Variants in SERHL2 observed in about 807,000 individuals in gnomAD.
The protein encoded by SERHL2 is serine hydrolase-like protein 2.
Under a neutral mutation model 25.5 loss-of-function variants are expected in SERHL2, and 29 were observed. The observed-to-expected ratio is 1.14, with a 90% confidence interval of 0.85 to 1.55. The LOEUF is 1.55. Among genes scored for constraint, SERHL2 ranks in the 40% most tolerant of loss-of-function variants. The pLI, the probability that SERHL2 is intolerant of heterozygous loss-of-function variation, is 0.00. For missense variants in SERHL2, 240 were observed against 252.3 expected, an observed-to-expected ratio of 0.95 and a Z score of 0.33; for synonymous variants, 95 against 103.5, an observed-to-expected ratio of 0.92 and a Z score of 0.50.
intron 9 of SERHL2, among the ~76,000 whole-genome samples, chr22:42,568,480 C>G (rs765050753): frequency 6.6e-6 from 1 of 151,934 alleles, no homozygotes; most frequent in Non-Finnish European, 1.5e-5. Context: ...GAGATGCCCC[C>G]TTCCCTGTCC....
chr22:42,567,547 C>G (rs867751244), intron 9 of SERHL2, among the ~76,000 whole-genome samples: 1 of 151,242 alleles, frequency 6.6e-6, no homozygotes, highest in South Asian at 2.1e-4. Flanking sequence ...GCCTGTAGTC[C>G]CAGCTACTCG....
At chr22:42,573,275 G>T (rs1051147495) in intron 11 of SERHL2, 1 of 141,834 alleles carries the variant, frequency 7.1e-6, no homozygotes, top group Admixed American at 7.2e-5. Context: ...ATGGAGTGTC[G>T]CTCTGTTGCC....
intron 10 of SERHL2, chr22:42,571,520 G>C: frequency 3.7e-6 from 4 of 1,089,206 alleles, no homozygotes; most frequent in Non-Finnish European, 4.6e-6. Flanking sequence ...CTGTCTCCTG[G>C]ATTCAAACGA....
intron 6 of SERHL2, chr22:42,556,823 G>C (rs1180404899): frequency 1.0e-5 from 4 of 396,682 alleles, no homozygotes; most frequent in Non-Finnish European, 1.7e-5. Context: ...TGTGTGGCTC[G>C]GGATCTGCAG....
intron 9 of SERHL2, 71 bp downstream of exon 9, chr22:42,566,409 C>A: frequency 1.3e-6 from 2 of 1,511,596 alleles, no homozygotes; most frequent in Middle Eastern, 2.2e-4. Context: ...TTGAAAATTA[C>A]AGGCCAGGCG....
At chr22:42,566,453 G>A (rs1923400544) in intron 9 of SERHL2, 115 bp downstream of exon 9, 2 of 1,006,530 alleles carry the variant, frequency 2.0e-6, no homozygotes, top group Admixed American at 3.7e-5. Context: ...AGCTACTCAG[G>A]AGGCTGAGGC....
intron 9 of SERHL2, among the ~76,000 whole-genome samples, chr22:42,567,267 G>A (rs1923513993): frequency 6.6e-6 from 1 of 152,072 alleles, no homozygotes; most frequent in South Asian, 2.1e-4. Flanking sequence ...AATGGTCTGG[G>A]AATGTTAACG....
At chr22:42,571,315 C>A (rs199869373) in intron 10 of SERHL2, 112 bp downstream of exon 10, 2 of 1,541,328 alleles carry the variant, frequency 1.3e-6, no homozygotes, top group Non-Finnish European at 1.8e-6. Context: ...TCGACCACAT[C>A]GCTAAGGCTC....
At chr22:42,565,482 C>T (rs138231779) in intron 8 of SERHL2, among the ~76,000 whole-genome samples, 1,687 of 151,900 alleles carry the variant, frequency 0.011, 53 homozygotes, top group Middle Eastern at 0.014. Context: ...CCTGCCACTA[C>T]GCCCAGCTAA....
At chr22:42,573,283 G>A (rs1038528549) in intron 11 of SERHL2, 6 of 136,800 alleles carry the variant, frequency 4.4e-5, no homozygotes, top group East Asian at 2.1e-4. Context: ...TCGCTCTGTT[G>A]CCCAGGCTGG....
chr22:42,561,386 T>C (rs1405005138), intron 8 of SERHL2, among the ~76,000 whole-genome samples: 2 of 151,140 alleles, frequency 1.3e-5, no homozygotes, highest in Non-Finnish European at 2.9e-5. Flanking sequence ...AACAAGGTCT[T>C]GGGTTTTTTG....
At chr22:42,558,867 T>C (rs151133360) in intron 7 of SERHL2, among the ~76,000 whole-genome samples, 3 of 2,078 alleles carry the variant, frequency 1.4e-3, no homozygotes, top group African/African-American at 8.1e-3. Context: ...GTAACCACAC[T>C]GTCCAATAAG....
chr22:42,566,180 C>T lies in SERHL2; in HGVS notation c.614-124C>T, dbSNP rs749914514. ...GGGAGTCCTGGGCAGCTGAGGACGT[C>T]GGGGGCAGGTGGGAGAAATGGGCCC... On this transcript the variant is annotated intron_variant, in intron 8 of 11. Coordinates refer to ENST00000327678, the MANE Select transcript of SERHL2 (RefSeq NM_014509.5). 138 of 919,630 alleles carry T rather than the reference C, an allele frequency of 1.5e-4. 1 individual carries two copies. The highest frequency in any genetic ancestry group is 3.3e-4 in the Admixed American group (17 of 52,174). The allele number at this position is 919,630 out of a possible 1,614,324, so 57.0% of individuals were successfully genotyped here. A position where few individuals can be genotyped will look rare whatever the true frequency, so the allele number is the denominator to read the frequency against.
rs149265966 is a variant in SERHL2 at position 42,564,746 on chromosome 22, C to T, written c.614-1558C>T. Among the ~76,000 whole-genome samples the T allele has an allele frequency of 3.0e-3, 459 of 152,068 alleles. 5 individuals are homozygous for T. Among genetic ancestry groups the T allele is most frequent in the African/African-American group, 0.01 (422 of 41,548 alleles). On this transcript the variant is annotated intron_variant, in intron 8 of 11. Transcript: ENST00000327678. Reference sequence around the variant, plus strand: ...GCACCCGGCCTGAGGATTTTCGCATCTGACGGGACCGTCTCCCTTCATGGC... The same window carrying T: ...GCACCCGGCCTGAGGATTTTCGCATTTGACGGGACCGTCTCCCTTCATGGC...
chr22:42,570,167 A>AT (rs1240062066), intron 9 of SERHL2, among the ~76,000 whole-genome samples: 36 of 152,098 alleles, frequency 2.4e-4, no homozygotes, highest in Non-Finnish European at 4.4e-5. Context: ...CACACCTGTA[A>AT]TCCCAGAACT....
Position 42,559,073 on chromosome 22 carries a change from ACC to A in SERHL2, c.533+618_533+619del, listed in dbSNP as rs1213482376. Among the ~76,000 whole-genome samples the A allele has an allele frequency of 4.9e-5, 4 of 81,826 alleles. No individual in the cohort carries two copies. The South Asian group carries it at 1.9e-3, about 40-fold the overall frequency. 53.7% of individuals were successfully genotyped at this position (81,826 alleles called of 152,430 possible). A position where few individuals can be genotyped will look rare whatever the true frequency, so the allele number is the denominator to read the frequency against. On this transcript the variant is annotated intron_variant, in intron 7 of 11. Transcript: ENST00000327678. ...CGCGCACACACACCCACACACACAC[ACC>A]CTGCCGCTGTAAACATGCAATCGAA...
intron 7 of SERHL2, 47 bp from the exon 8 acceptor site, chr22:42,560,139 C>T: frequency 6.8e-7 from 1 of 1,475,238 alleles, no homozygotes; most frequent in Non-Finnish European, 9.5e-7. Flanking sequence ...ATCTGACCTC[C>T]TTTTTATTGG....
intron 8 of SERHL2, 60 bp from the exon 9 acceptor site, chr22:42,566,244 A>G (rs1923360787): frequency 1.3e-6 from 2 of 1,558,442 alleles, no homozygotes; most frequent in East Asian, 2.3e-5. Context: ...AAAGTCACGG[A>G]GCGTCCCCTG....
chr22:42,573,854 G>C, intron 11 of SERHL2, 82 bp from the exon 12 acceptor site: 33 of 1,369,380 alleles, frequency 2.4e-5, no homozygotes, highest in Non-Finnish European at 3.3e-5. Flanking sequence ...GGAATGCTGT[G>C]GGAGGGCCCT....
Sources: allele counts gnomAD v4.1 joint callset (sites outside exome capture counted in the v4.1 genomes callset), GRCh38; gene constraint gnomAD v4.1.1; transcripts MANE v1.5; gene names NCBI Gene and HGNC (gene_info 2026-07-23, HGNC 2026-07-21).